ZNF479: variants seen among roughly 807,000 people sequenced by gnomAD.
ZNF479 encodes the protein KRAB zinc finger protein KR19.
A neutral mutation model predicts 14.7 loss-of-function variants in ZNF479; 15 were observed. The ratio of observed to expected loss-of-function variants is 1.02; its 90% confidence interval spans 0.68 to 1.57. The LOEUF is 1.57. Among genes scored for constraint, ZNF479 ranks in the 40% most tolerant of loss-of-function variants. The pLI is 0.00. For missense variants in ZNF479, 506 were observed against 615.1 expected, an observed-to-expected ratio of 0.82 and a Z score of 1.88; for synonymous variants, 145 against 211.5, an observed-to-expected ratio of 0.69 and a Z score of 2.73.
At chr7:57,138,896 A>C (rs565588111) in intron 1 of ZNF479, among the ~76,000 whole-genome samples, 1 of 152,354 alleles carries the variant, frequency 6.6e-6, no homozygotes, top group Admixed American at 6.5e-5. Flanking sequence ...ATTGAGCCAC[A>C]GGAGGGATGT....
intron 1 of ZNF479, among the ~76,000 whole-genome samples, chr7:57,131,701 C>T (rs748305502): frequency 2.0e-5 from 3 of 151,992 alleles, no homozygotes; most frequent in Non-Finnish European, 2.9e-5. Context: ...ACCTGGATCT[C>T]ACAAATAAGG....
intron 3 of ZNF479, among the ~76,000 whole-genome samples, chr7:57,123,642 T>C (rs1432430058): frequency 6.6e-6 from 1 of 152,008 alleles, no homozygotes; most frequent in African/African-American, 2.4e-5. Context: ...GATACTAGCC[T>C]TGGGAACACA....
chr7:57,124,195 C>G (rs1479891813), intron 3 of ZNF479, among the ~76,000 whole-genome samples: 1 of 151,764 alleles, frequency 6.6e-6, no homozygotes, highest in Non-Finnish European at 1.5e-5. Flanking sequence ...AACACAGAGG[C>G]ACTATACTTC....
At chr7:57,126,375 C>A (rs1018313706) in intron 2 of ZNF479, among the ~76,000 whole-genome samples, 3 of 150,094 alleles carry the variant, frequency 2.0e-5, no homozygotes, top group African/African-American at 7.3e-5. Context: ...TTTTGGAATT[C>A]CCACTAACCT....
intron 3 of ZNF479, among the ~76,000 whole-genome samples, chr7:57,122,522 TTTAG>T (rs1366165950): frequency 3.3e-5 from 5 of 152,054 alleles, no homozygotes; most frequent in Admixed American, 3.3e-4. Context: ...AGAAAATACT[TTTAG>T]TTATTCTTTA....
rs1159136338 is a variant in ZNF479 at position 57,119,597 on chromosome 7, A to G, written c.*243T>C. 6.7e-6 allele frequency: 3 copies of G among 445,558 alleles called. No individual in the cohort carries two copies. The highest frequency in any genetic ancestry group is 9.1e-5 in the East Asian group (2 of 21,860). The allele number at this position is 445,558 out of a possible 1,614,324, so 27.6% of individuals were successfully genotyped here. ...ACTCCAGCCTGGGTGACACAGGGAG[A>G]CTCCAACTCAAAAAAATTTTTTTAA... is the stretch of plus-strand genomic sequence containing the variant. On this transcript the variant is annotated 3_prime_UTR_variant, in exon 4 of 4. Transcript: ENST00000319636.
At chr7:57,139,699 G>A (rs921051650) in exon 1 of ZNF479, 9 of 152,226 alleles carry the variant, frequency 5.9e-5, no homozygotes, top group African/African-American at 2.2e-4. Flanking sequence ...ATCAAAGGAA[G>A]TGACTCTCCT....
chr7:57,120,569 T>G lies in ZNF479; in HGVS notation c.846A>C (p.Ser282=), dbSNP rs1242182188. The change falls in exon 4 of 4, where the codon TCA becomes TCC. Residue 282 remains serine, a synonymous_variant. Transcript: ENST00000319636. ...GAATTCTCTTGTGGTTAGTAAGTGC[T>G]GAGGAGCGCCTAAAGGCTTGGCCAC... is the stretch of plus-strand genomic sequence containing the variant. ...EECGQAFRRS[S]ALTNHKRIHT... is the part of the protein sequence containing the mutation. 3.7e-6 allele frequency: 6 copies of G among 1,613,464 alleles called. No homozygotes were observed. Among genetic ancestry groups the G allele is most frequent in the Non-Finnish European group, 4.2e-6 (5 of 1,179,814 alleles).
At chr7:57,123,957 A>G (rs2115865820) in intron 3 of ZNF479, among the ~76,000 whole-genome samples, 1 of 152,168 alleles carries the variant, frequency 6.6e-6, no homozygotes, top group East Asian at 1.9e-4. Context: ...CACACTCTTC[A>G]CTGTATTCTT....
intron 1 of ZNF479, among the ~76,000 whole-genome samples, chr7:57,127,925 A>T (rs1441524071): frequency 5.2e-5 from 4 of 76,634 alleles, no homozygotes; most frequent in Admixed American, 3.0e-4. Flanking sequence ...TAATTTTATT[A>T]TATATATATA....
intron 1 of ZNF479, among the ~76,000 whole-genome samples, chr7:57,137,537 G>T (rs1453246795): frequency 6.6e-6 from 1 of 152,160 alleles, no homozygotes; most frequent in Non-Finnish European, 1.5e-5. Context: ...AACAGAGGAG[G>T]TGCCACAATA....
intron 1 of ZNF479, among the ~76,000 whole-genome samples, chr7:57,130,077 A>G (rs1275826271): frequency 6.6e-6 from 1 of 152,250 alleles, no homozygotes; most frequent in Non-Finnish European, 1.5e-5. Flanking sequence ...AATTAAAAGA[A>G]TTTCAAAAGT....
intron 1 of ZNF479, among the ~76,000 whole-genome samples, chr7:57,131,453 C>A (rs1213503311): frequency 6.6e-6 from 1 of 151,652 alleles, no homozygotes; most frequent in Non-Finnish European, 1.5e-5. Context: ...ATTCCAGCCA[C>A]TCGGGAGGCT....
In ZNF479 at chr7:57,138,455, T is replaced by G. The variant is rs73353116; in HGVS notation, c.-15+1153A>C. On this transcript the variant is annotated intron_variant, in intron 1 of 4. Coordinates refer to the ZNF479 transcript ENST00000331162. ...ACATTGACAAAACTTATTGGTGAAGTCTTGACTCTCATATGAGGACACGAT... is the reference window on the plus strand; with the variant it reads ...ACATTGACAAAACTTATTGGTGAAGGCTTGACTCTCATATGAGGACACGAT... Among the ~76,000 whole-genome samples, 1,307 of 152,286 alleles carry G rather than the reference T, an allele frequency of 8.6e-3. 27 individuals carry two copies. Among genetic ancestry groups the G allele is most frequent in the African/African-American group, 0.03 (1,244 of 41,564 alleles).
At chr7:57,136,736 T>C (rs1368381848), upstream of ZNF479, among the ~76,000 whole-genome samples, 4 of 152,226 alleles carry the variant, frequency 2.6e-5, no homozygotes, top group African/African-American at 9.6e-5. Flanking sequence ...GTTCAATTTC[T>C]GGCTTAGGAA....
chr7:57,138,279 C>G (rs2115915320), intron 1 of ZNF479, among the ~76,000 whole-genome samples: 1 of 152,224 alleles, frequency 6.6e-6, no homozygotes, highest in African/African-American at 2.4e-5. Context: ...GGGTCTTCTA[C>G]ATGTAGAAAG....
chr7:57,128,785 A>C (rs182626330), intron 1 of ZNF479, among the ~76,000 whole-genome samples: 34 of 152,350 alleles, frequency 2.2e-4, no homozygotes, highest in South Asian at 1.5e-3. Context: ...AAAAATTTGC[A>C]AGATCTGAAC....
At chr7:57,139,317 C>T (rs771848555) in intron 1 of ZNF479, among the ~76,000 whole-genome samples, 1 of 152,172 alleles carries the variant, frequency 6.6e-6, no homozygotes, top group African/African-American at 2.4e-5. Context: ...GATTCCCACA[C>T]CAAGATTCAG....
Position 57,120,896 on chromosome 7 carries a change from A to G in ZNF479, c.519T>C (p.Asn173=). The change falls in exon 4 of 4, where the codon AAT becomes AAC. Residue 173 remains asparagine (N), a synonymous_variant. Coordinates refer to ENST00000319636, the MANE Select transcript of ZNF479 (RefSeq NM_001370129.2). ...TTCCAGTATATCTTGTTTTATCTCT[A>G]TTGGAATTTGAAAATTTACCAAAGA... ...VKVFGKFSNS[N]RDKTRYTGNK... 6.2e-7 allele frequency: 1 copy of G among 1,613,822 alleles called. No individual in the cohort carries two copies. Among genetic ancestry groups the G allele is most frequent in the Admixed American group, 1.7e-5 (1 of 59,912 alleles).
Sources: gnomAD v4.1 joint callset for allele counts (sites outside exome capture counted in the v4.1 genomes callset) on GRCh38, gnomAD v4.1.1 for gene constraint, MANE v1.5 for transcripts, NCBI Gene and HGNC (gene_info 2026-07-23, HGNC 2026-07-21) for gene names.